The following EPB41 variants were observed in gnomAD, a reference collection of about 807,000 sequenced individuals.
EPB41 encodes protein 4.1.
In EPB41, 65 loss-of-function variants were observed where a neutral mutation model predicts 108.0. That is an observed-to-expected ratio of 0.60 (90% confidence interval 0.49 to 0.74). The LOEUF is 0.74. EPB41 is among the 30% of genes least tolerant of loss of function. The pLI is 0.00. For synonymous variants in EPB41, 336 were observed against 358.9 expected (o/e 0.94, Z 0.72); for missense variants, 875 against 1,037.0 (o/e 0.84, Z 2.15).
chr1:29,010,485 T>C (rs1416595054), intron 4 of EPB41, among the ~76,000 whole-genome samples: 1 of 152,246 alleles, frequency 6.6e-6, no homozygotes, highest in Non-Finnish European at 1.5e-5. Context: ...TTATTGATCT[T>C]TATACTTATG....
upstream of EPB41, among the ~76,000 whole-genome samples, chr1:28,909,653 A>G (rs987306081): frequency 2.6e-5 from 4 of 151,990 alleles, no homozygotes; most frequent in Admixed American, 2.0e-4. Flanking sequence ...ATAAAAAATT[A>G]TCTGGGTGTG....
At chr1:28,984,099 C>T (rs2095819628) in intron 1 of EPB41, among the ~76,000 whole-genome samples, 1 of 152,166 alleles carries the variant, frequency 6.6e-6, no homozygotes. Context: ...GAAGTTACAC[C>T]ATCAAGCTAT....
At chr1:29,033,269 T>C (rs1344839960) in intron 9 of EPB41, 24 bp downstream of exon 9, 3 of 1,612,224 alleles carry the variant, frequency 1.9e-6, no homozygotes, top group Non-Finnish European at 8.5e-7. Context: ...ATTTCCTTCC[T>C]CCCAAACCAG....
intron 17 of EPB41, among the ~76,000 whole-genome samples, chr1:29,106,563 G>GTT (rs1558324414): frequency 5.4e-5 from 2 of 37,160 alleles, no homozygotes; most frequent in African/African-American, 1.4e-4. Flanking sequence ...GAGTAGCTGG[G>GTT]ATTTTTTTTT....
intron 1 of EPB41, among the ~76,000 whole-genome samples, chr1:28,925,238 C>T (rs1406613107): frequency 6.6e-6 from 1 of 152,136 alleles, no homozygotes; most frequent in Non-Finnish European, 1.5e-5. Context: ...GCTGGGATTA[C>T]AGGCGTGAGC....
At chr1:29,109,932 G>T (rs1398916077) in intron 18 of EPB41, among the ~76,000 whole-genome samples, 1 of 152,202 alleles carries the variant, frequency 6.6e-6, no homozygotes, top group Non-Finnish European at 1.5e-5. Flanking sequence ...TATTCGGGAG[G>T]CTGAGGGAGG....
intron 11 of EPB41, among the ~76,000 whole-genome samples, chr1:29,040,195 A>AAAAT (rs1352685050): frequency 1.3e-5 from 2 of 152,178 alleles, no homozygotes; most frequent in African/African-American, 2.4e-5. Flanking sequence ...CTGTCTCTAA[A>AAAAT]AAATAAATAA....
At position 29,011,953 on chromosome 1, in the gene EPB41, G is replaced by T; in HGVS notation, c.829+46G>T. ...TTATAGTTCTTTCTTTCTTTTAGTA[G>T]GTCAGAGGATTTCCAACCATTTCTG... On this transcript the variant is annotated intron_variant, in intron 5 of 20. Transcript: ENST00000343067. 3 of 1,603,142 alleles carry T rather than the reference G, an allele frequency of 1.9e-6. No individual in the cohort carries two copies. In the South Asian group the frequency reaches 3.3e-5, roughly 18 times the overall value.
intron 18 of EPB41, 184 bp downstream of exon 18, chr1:29,109,621 G>A: frequency 6.1e-6 from 4 of 652,226 alleles, no homozygotes; most frequent in Admixed American, 2.3e-5. Flanking sequence ...AATCTAGGGA[G>A]ATACCCTGAG....
chr1:29,065,131 C>T lies in EPB41; in HGVS notation c.2157C>T (p.Ile719=). 1 of 1,608,960 alleles carries T rather than the reference C, an allele frequency of 6.2e-7. No individual in the cohort carries two copies. The highest frequency in any genetic ancestry group is 8.5e-7 in the Non-Finnish European group (1 of 1,176,418). The change falls in exon 16 of 21, where the codon ATC becomes ATT. Residue 719 remains isoleucine, a synonymous_variant. Coordinates refer to ENST00000343067, the MANE Select transcript of EPB41 (RefSeq NM_001376013.1). ...ACTCACCCTTCCGAACTCTTAACAT[C>T]AATGGGCAAATCCCCACAGGAGAAG... ...STHSPFRTLN[I]NGQIPTGEGP...
chr1:29,037,642 G>C (rs1470094756), intron 10 of EPB41, among the ~76,000 whole-genome samples: 1 of 150,858 alleles, frequency 6.6e-6, no homozygotes, highest in Admixed American at 6.6e-5. Flanking sequence ...TAGTGCAGTG[G>C]CGCAATGCCT....
At chr1:28,941,270 C>T (rs2094273443) in intron 1 of EPB41, among the ~76,000 whole-genome samples, 1 of 151,800 alleles carries the variant, frequency 6.6e-6, no homozygotes, top group African/African-American at 2.4e-5. Flanking sequence ...GTCCCAGCTA[C>T]TCGGGAGACT....
At chr1:29,092,502 C>T (rs983259160) in intron 16 of EPB41, among the ~76,000 whole-genome samples, 1 of 152,198 alleles carries the variant, frequency 6.6e-6, no homozygotes, top group Admixed American at 6.5e-5. Context: ...CTGGTGAGCA[C>T]ATGCAGATGT....
chr1:29,052,142 T>C (rs550339499), intron 11 of EPB41, among the ~76,000 whole-genome samples: 3 of 152,336 alleles, frequency 2.0e-5, no homozygotes, highest in African/African-American at 7.2e-5. Context: ...AATTGGCTCT[T>C]TGAAAAGATC....
intron 17 of EPB41, among the ~76,000 whole-genome samples, chr1:29,100,856 G>A (rs187085084): frequency 5.1e-4 from 77 of 150,284 alleles, no homozygotes; most frequent in African/African-American, 1.9e-3. Context: ...TTGAGCCCAG[G>A]TGTTCAAGGC....
At chr1:28,990,774 A>G (rs1019443096) in intron 2 of EPB41, among the ~76,000 whole-genome samples, 2 of 152,054 alleles carry the variant, frequency 1.3e-5, no homozygotes, top group Non-Finnish European at 2.9e-5. Context: ...GAAAATCCAT[A>G]TCTTGTTTTA....
chr1:29,011,955 T>C (rs1326639642), intron 5 of EPB41, 48 bp downstream of exon 5: 2 of 1,598,800 alleles, frequency 1.3e-6, no homozygotes, highest in Admixed American at 3.3e-5. Flanking sequence ...TTTTAGTAGG[T>C]CAGAGGATTT....
intron 10 of EPB41, among the ~76,000 whole-genome samples, chr1:29,036,543 G>T (rs1639529559): frequency 1.3e-5 from 2 of 152,062 alleles, no homozygotes; most frequent in Admixed American, 1.3e-4. Flanking sequence ...TTACAGGCAT[G>T]AACCACTGTG....
intron 12 of EPB41, among the ~76,000 whole-genome samples, chr1:29,057,055 G>A (rs1645593676): frequency 6.6e-6 from 1 of 152,026 alleles, no homozygotes; most frequent in South Asian, 2.1e-4. Flanking sequence ...TGACCACACA[G>A]CAAGTATGCT....
Sources: allele counts gnomAD v4.1 joint callset (sites outside exome capture counted in the v4.1 genomes callset), GRCh38; gene constraint gnomAD v4.1.1; transcripts MANE v1.5; gene names NCBI Gene and HGNC (gene_info 2026-07-23, HGNC 2026-07-21).